The following C7 variants were observed in gnomAD, a reference collection of about 807,000 sequenced individuals.
The protein encoded by C7 is complement C7.
A neutral mutation model predicts 104.8 loss-of-function variants in C7; 83 were observed. That is an observed-to-expected ratio of 0.79 (90% CI 0.66 to 0.95). C7 has a LOEUF of 0.95. C7 is among the 40% of genes least tolerant of loss of function. The probability of loss-of-function intolerance (pLI) is 0.00; values close to 1 mark genes in which losing one functional copy is unlikely to be tolerated. For synonymous variants in C7, 415 were observed against 360.6 expected, an observed-to-expected ratio of 1.15 and a Z score of -1.71; for missense variants, 1,070 against 1,011.2, an observed-to-expected ratio of 1.06 and a Z score of -0.79.
intron 1 of C7, among the ~76,000 whole-genome samples, chr5:40,921,808 G>A (rs577931902): frequency 6.6e-6 from 1 of 152,134 alleles, no homozygotes; most frequent in Admixed American, 6.6e-5. Flanking sequence ...AGGCCGAGGT[G>A]GGTGGATCAC....
chr5:40,979,174 A>G (rs1424884698), intron 16 of C7, among the ~76,000 whole-genome samples: 2 of 152,078 alleles, frequency 1.3e-5, no homozygotes, highest in African/African-American at 4.8e-5. Flanking sequence ...AAACTTATGG[A>G]AATATTTCTA....
At chr5:40,947,301 T>C (rs1441695672) in intron 7 of C7, among the ~76,000 whole-genome samples, 1 of 151,692 alleles carries the variant, frequency 6.6e-6, no homozygotes, top group Non-Finnish European at 1.5e-5. Flanking sequence ...GGTTTCATCA[T>C]GTTGGCCAGG....
chr5:40,954,278 A>C (rs2111651521), intron 9 of C7, among the ~76,000 whole-genome samples: 1 of 152,274 alleles, frequency 6.6e-6, no homozygotes, highest in South Asian at 2.1e-4. Flanking sequence ...ATAAATACCC[A>C]TATACCCATT....
chr5:40,981,316 T>C (rs2111736211), intron 17 of C7, 76 bp from the exon 18 acceptor site: 1 of 1,344,926 alleles, frequency 7.4e-7, no homozygotes, highest in East Asian at 2.5e-5. Flanking sequence ...CACCACATTA[T>C]TACTTTGGAG....
chr5:40,927,952 C>T (rs1739592857), intron 1 of C7, among the ~76,000 whole-genome samples: 2 of 151,928 alleles, frequency 1.3e-5, no homozygotes, highest in Admixed American at 1.3e-4. Context: ...TGGGTATTTA[C>T]AAAAGTAAAT....
At position 40,979,904 on chromosome 5, in the gene C7, G is replaced by A; in HGVS notation, c.2345G>A (p.Cys782Tyr). Residue 782 changes from cysteine to tyrosine, a missense_variant, in exon 17 of 18, where the codon TGT (cysteine) becomes TAT (tyrosine). Physicochemically the swap from Cys to Tyr is radical, Grantham distance 194. Coordinates refer to ENST00000313164, the MANE Select transcript of C7 (RefSeq NM_000587.4). ...GGTGCCTGCCCACTGTGGGGAAAAT[G>A]TGATGGTAAGGGGCCTTTCATATTT... is the stretch of plus-strand genomic sequence containing the variant. ...ACGACPLWGK[C>Y]DAESSKCVCR... is the part of the protein sequence containing the mutation. 1 of 1,586,956 alleles carries A rather than the reference G, an allele frequency of 6.3e-7. No individual in the cohort carries two copies. The highest frequency in any genetic ancestry group is 8.6e-7 in the Non-Finnish European group (1 of 1,163,352).
chr5:40,970,362 T>C (rs899477104), intron 14 of C7, among the ~76,000 whole-genome samples: 5 of 152,246 alleles, frequency 3.3e-5, no homozygotes, highest in African/African-American at 1.2e-4. Context: ...ACTTGCTGTT[T>C]ATACTATGTG....
At position 40,947,844 on chromosome 5, in the gene C7, T is replaced by G; in HGVS notation, c.981T>G (p.Asn327Lys). Residue 327 changes from asparagine (N) to lysine (K), a missense_variant and splice_region_variant, in exon 8 of 18, where the codon AAT becomes AAG. Transcript: ENST00000313164. ...TGGACTCAGAAAAATTAAAACAAAA[T>G]GGTACAGTATTAAAAAATTCGTTGT... is the stretch of plus-strand genomic sequence containing the variant. ...FYVDSEKLKQNDFNSVEEKKC... is the reference protein window; with the variant it reads ...FYVDSEKLKQKDFNSVEEKKC... The G allele has an allele frequency of 6.2e-7, 1 of 1,611,072 alleles. No individual in the cohort carries two copies. Among genetic ancestry groups the G allele is most frequent in the African/African-American group, 1.3e-5 (1 of 74,864 alleles).
intron 1 of C7, among the ~76,000 whole-genome samples, chr5:40,927,846 G>A (rs987528747): frequency 6.6e-6 from 1 of 152,128 alleles, no homozygotes; most frequent in Non-Finnish European, 1.5e-5. Context: ...TGTACACTTG[G>A]TAGGAATGTA....
intron 13 of C7, among the ~76,000 whole-genome samples, chr5:40,963,462 C>T (rs1162618997): frequency 1.3e-5 from 2 of 152,138 alleles, no homozygotes; most frequent in African/African-American, 4.8e-5. Flanking sequence ...GTGCTCCTCC[C>T]CATTTCCCTC....
chr5:40,964,565 G>C (rs1740502512), intron 13 of C7, 176 bp from the exon 14 acceptor site: 2 of 540,572 alleles, frequency 3.7e-6, no homozygotes, highest in Admixed American at 6.7e-5. Context: ...TCAATTAATG[G>C]TGGTGCTAGT....
intron 6 of C7, among the ~76,000 whole-genome samples, chr5:40,942,766 T>G (rs1411751205): frequency 6.6e-6 from 1 of 151,402 alleles, no homozygotes; most frequent in East Asian, 1.9e-4. Context: ...TTTTCTTTCT[T>G]TCTTTTTTTT....
At position 40,947,763 on chromosome 5, in the gene C7, G is replaced by A. The variant is rs1406375232; in HGVS notation, c.900G>A (p.Gly300=). 6.2e-7 allele frequency: 1 copy of A among 1,613,602 alleles called. No homozygotes were observed. Among genetic ancestry groups the A allele is most frequent in the African/African-American group, 1.3e-5 (1 of 74,882 alleles). The change falls in exon 8 of 18, where the codon GGG becomes GGA. Residue 300 remains glycine (G), a synonymous_variant. Coordinates refer to ENST00000313164, the MANE Select transcript of C7 (RefSeq NM_000587.4). ...ACCGAAGATTAATCGACCAGTACGG[G>A]ACACATTATCTGCAATCTGGGTCGT... The part of the protein sequence containing the change: ...SAYRRLIDQY[G]THYLQSGSLG...
At chr5:40,942,779 T>C (rs1186752112) in intron 6 of C7, among the ~76,000 whole-genome samples, 1 of 151,530 alleles carries the variant, frequency 6.6e-6, no homozygotes, top group Non-Finnish European at 1.5e-5. Flanking sequence ...TTTTTTTTTT[T>C]TTTTGAGACA....
intron 16 of C7, among the ~76,000 whole-genome samples, chr5:40,979,175 A>T (rs1740883855): frequency 6.6e-6 from 1 of 152,130 alleles, no homozygotes. Context: ...AACTTATGGA[A>T]ATATTTCTAA....
At chr5:40,933,084 T>C (rs1739730414) in intron 3 of C7, among the ~76,000 whole-genome samples, 1 of 152,172 alleles carries the variant, frequency 6.6e-6, no homozygotes, top group Non-Finnish European at 1.5e-5. Context: ...GGACTAAAAA[T>C]GGTATCAAGA....
intron 1 of C7, among the ~76,000 whole-genome samples, chr5:40,925,719 A>G (rs1398844007): frequency 1.3e-5 from 2 of 152,172 alleles, no homozygotes; most frequent in Non-Finnish European, 2.9e-5. Flanking sequence ...TGGCATCAAC[A>G]TTTGCTCAGT....
At chr5:40,918,857 C>T (rs924323495) in intron 1 of C7, among the ~76,000 whole-genome samples, 2 of 151,516 alleles carry the variant, frequency 1.3e-5, no homozygotes, top group African/African-American at 4.9e-5. Context: ...TAGGGTATTT[C>T]AATACGCCAC....
At position 40,925,089 on chromosome 5, in the gene C7, G is replaced by A. The variant is rs111945414; in HGVS notation, c.7-3491G>A. Among the ~76,000 whole-genome samples the A allele has an allele frequency of 2.3e-3, 353 of 152,106 alleles. 1 individual carries two copies. Among genetic ancestry groups the A allele is most frequent in the African/African-American group, 7.7e-3 (319 of 41,476 alleles). The stretch of plus-strand genomic sequence containing the variant: ...ATGATCCTTTTTCTTTCTCTGCTGC[G>A]TGGCCAGGCTGCAGATTTTTCAAAC... On this transcript the variant is annotated intron_variant, in intron 1 of 17. Transcript: ENST00000313164.
Sources: gnomAD v4.1 joint callset for allele counts (sites outside exome capture counted in the v4.1 genomes callset) on GRCh38, gnomAD v4.1.1 for gene constraint, MANE v1.5 for transcripts, NCBI Gene and HGNC (gene_info 2026-07-23, HGNC 2026-07-21) for gene names.